CA10: variants seen among roughly 807,000 people sequenced by gnomAD.
CA10 encodes the protein carbonic anhydrase 10 (inactive), also known as carbonic anhydrase-related protein 10.
Under a neutral mutation model 44.2 loss-of-function variants are expected in CA10, and 14 were observed. The ratio of observed to expected loss-of-function variants is 0.32; its 90% CI spans 0.21 to 0.50. CA10 has a LOEUF of 0.50. Among genes scored for constraint, CA10 ranks in the 20% least tolerant of loss-of-function variants. The pLI is 0.99. For synonymous variants in CA10, 159 were observed against 141.6 expected (o/e 1.12, Z -0.87); for missense variants, 350 against 409.7 (o/e 0.85, Z 1.26).
intron 2 of CA10, among the ~76,000 whole-genome samples, chr17:52,044,452 T>C (rs1986853482): frequency 6.6e-6 from 1 of 152,116 alleles, no homozygotes; most frequent in Admixed American, 6.5e-5. Flanking sequence ...TATGGGTGCA[T>C]GCCACCACAC....
intron 3 of CA10, among the ~76,000 whole-genome samples, chr17:51,899,161 G>C (rs1393008543): frequency 2.0e-5 from 3 of 151,896 alleles, no homozygotes; most frequent in African/African-American, 7.2e-5. Context: ...CCTTTCTAAA[G>C]TTTTGATGTG....
At chr17:51,839,990 T>A (rs570381090) in intron 3 of CA10, among the ~76,000 whole-genome samples, 36 of 152,328 alleles carry the variant, frequency 2.4e-4, no homozygotes, top group South Asian at 4.1e-4. Flanking sequence ...CTTTTACAGA[T>A]AAAAACTCGG....
chr17:51,649,131 G>T (rs746759697), intron 6 of CA10, 51 bp downstream of exon 6: 1 of 1,367,060 alleles, frequency 7.3e-7, no homozygotes, highest in Non-Finnish European at 1.0e-6. Context: ...CCTTCAGGCA[G>T]GTCTAACCTT....
At chr17:51,669,679 G>A (rs1914344419) in intron 4 of CA10, among the ~76,000 whole-genome samples, 1 of 152,032 alleles carries the variant, frequency 6.6e-6, no homozygotes, top group Non-Finnish European at 1.5e-5. Context: ...TTTAAGAACT[G>A]TAACACTCAC....
chr17:51,765,296 G>T (rs1367081729), intron 3 of CA10, among the ~76,000 whole-genome samples: 3 of 152,116 alleles, frequency 2.0e-5, no homozygotes, highest in Non-Finnish European at 4.4e-5. Context: ...TGAGTGGTCT[G>T]GGACAGGCTC....
intron 4 of CA10, among the ~76,000 whole-genome samples, chr17:51,673,861 C>T (rs535952098): frequency 1.1e-4 from 17 of 152,352 alleles, no homozygotes; most frequent in African/African-American, 3.8e-4. Flanking sequence ...TCACCATTCA[C>T]CTCCCTGCCC....
intron 3 of CA10, among the ~76,000 whole-genome samples, chr17:51,801,017 T>C (rs1168064944): frequency 1.3e-5 from 2 of 149,926 alleles, no homozygotes; most frequent in Non-Finnish European, 2.9e-5. Context: ...TCTCTTGTGT[T>C]TTTGTAGGCA....
At chr17:52,117,791 T>C (rs1449563001) in intron 1 of CA10, among the ~76,000 whole-genome samples, 2 of 152,184 alleles carry the variant, frequency 1.3e-5, no homozygotes, top group South Asian at 2.1e-4. Flanking sequence ...TAGTAAAAGA[T>C]TATAAGAGGG....
intron 3 of CA10, among the ~76,000 whole-genome samples, chr17:51,906,870 T>C (rs1981577883): frequency 2.0e-5 from 3 of 152,156 alleles, no homozygotes; most frequent in African/African-American, 7.2e-5. Context: ...GAAACAGATA[T>C]TGCACTACAT....
chr17:51,894,529 C>A (rs1297576983), intron 3 of CA10, among the ~76,000 whole-genome samples: 1 of 151,998 alleles, frequency 6.6e-6, no homozygotes, highest in Non-Finnish European at 1.5e-5. Flanking sequence ...AGAATTTATA[C>A]CCATTGTTGG....
At chr17:51,823,102 C>T (rs1176433696) in intron 3 of CA10, among the ~76,000 whole-genome samples, 1 of 152,150 alleles carries the variant, frequency 6.6e-6, no homozygotes, top group African/African-American at 2.4e-5. Context: ...TTTTGTTTTC[C>T]TTTTTGTGTT....
intron 2 of CA10, among the ~76,000 whole-genome samples, chr17:51,978,928 T>C (rs1171715832): frequency 1.3e-5 from 2 of 152,086 alleles, no homozygotes; most frequent in African/African-American, 4.8e-5. Flanking sequence ...ACATTCAAAT[T>C]ACCCATAAGA....
At chr17:51,727,767 C>A (rs989528659) in intron 4 of CA10, among the ~76,000 whole-genome samples, 2 of 151,900 alleles carry the variant, frequency 1.3e-5, no homozygotes, top group Non-Finnish European at 2.9e-5. Flanking sequence ...TTATTGAGTG[C>A]CTATTATGAT....
intron 2 of CA10, among the ~76,000 whole-genome samples, chr17:52,055,791 G>A (rs908294912): frequency 3.3e-5 from 5 of 152,096 alleles, no homozygotes; most frequent in Non-Finnish European, 7.4e-5. Flanking sequence ...TCTTTTAAAT[G>A]AGGCATAATT....
chr17:52,142,499 T>C (rs1262674043), intron 1 of CA10, among the ~76,000 whole-genome samples: 1 of 152,152 alleles, frequency 6.6e-6, no homozygotes, highest in African/African-American at 2.4e-5. Flanking sequence ...AAAAAATCAC[T>C]GATGGGGTTA....
chr17:52,124,258 T>C (rs1989072260), intron 1 of CA10, among the ~76,000 whole-genome samples: 1 of 152,188 alleles, frequency 6.6e-6, no homozygotes, highest in Non-Finnish European at 1.5e-5. Flanking sequence ...ACTTTTTGAG[T>C]GATTCCTCAT....
intron 1 of CA10, among the ~76,000 whole-genome samples, chr17:52,103,885 A>C (rs191704646): frequency 2.0e-5 from 3 of 152,136 alleles, no homozygotes; most frequent in African/African-American, 7.2e-5. Context: ...CACACCTTAG[A>C]TGTTTCCACA....
intron 2 of CA10, among the ~76,000 whole-genome samples, chr17:51,973,725 C>A (rs776061532): frequency 3.0e-4 from 46 of 152,174 alleles, no homozygotes; most frequent in Non-Finnish European, 5.7e-4. Flanking sequence ...AAATCTGATT[C>A]TCCAGAAAAT....
At chr17:51,826,813 C>T (rs1226039443) in intron 3 of CA10, among the ~76,000 whole-genome samples, 1 of 152,150 alleles carries the variant, frequency 6.6e-6, no homozygotes, top group Non-Finnish European at 1.5e-5. Flanking sequence ...CTGGCTATGT[C>T]CCTCAACTGA....
Sources: gnomAD v4.1 joint callset for allele counts (sites outside exome capture counted in the v4.1 genomes callset) on GRCh38, gnomAD v4.1.1 for gene constraint, MANE v1.5 for transcripts, NCBI Gene and HGNC (gene_info 2026-07-23, HGNC 2026-07-21) for gene names.